Variants in C16orf96 observed in about 807,000 individuals in gnomAD.
The protein encoded by C16orf96 is uncharacterized protein C16orf96.
A neutral mutation model predicts 103.6 loss-of-function variants in C16orf96; 108 were observed. That is an observed-to-expected ratio of 1.04 (90% confidence interval 0.89 to 1.22). The LOEUF is 1.22. Ranked by LOEUF, C16orf96 falls within the 50% of genes most tolerant of loss-of-function variation. C16orf96 has a pLI of 0.00. For synonymous variants in C16orf96, 566 were observed against 593.5 expected, an observed-to-expected ratio of 0.95 and a Z score of 0.67; for missense variants, 1,586 against 1,464.2, an observed-to-expected ratio of 1.08 and a Z score of -1.36.
At chr16:4,573,483 T>C (rs1454834222) in intron 2 of C16orf96, among the ~76,000 whole-genome samples, 1 of 139,268 alleles carries the variant, frequency 7.2e-6, no homozygotes, top group Non-Finnish European at 1.5e-5. Flanking sequence ...GGCGGCATGG[T>C]GGTTCACGCC....
At chr16:4,592,160 T>A in intron 10 of C16orf96, 145 bp from the exon 11 acceptor site, 1 of 917,090 alleles carries the variant, frequency 1.1e-6, no homozygotes, top group Non-Finnish European at 1.7e-6. Flanking sequence ...ACCACAAGAG[T>A]GGTTGGAGAC....
At chr16:4,586,934 G>GC in intron 7 of C16orf96, 105 bp from the exon 8 acceptor site, 1 of 1,039,060 alleles carries the variant, frequency 9.6e-7, no homozygotes. Flanking sequence ...TGTCCACACG[G>GC]CCTGCTATCC....
At chr16:4,572,455 A>T (rs532910073) in intron 2 of C16orf96, among the ~76,000 whole-genome samples, 2 of 151,532 alleles carry the variant, frequency 1.3e-5, no homozygotes, top group African/African-American at 4.8e-5. Flanking sequence ...GCCCGCCCCC[A>T]TGCCCGGCTA....
At chr16:4,541,821 TA>T in the C16orf96 span, among the ~76,000 whole-genome samples, 3 of 152,162 alleles carry the variant, frequency 2.0e-5, no homozygotes, top group Non-Finnish European at 4.4e-5. Flanking sequence ...CAACAGTGTA[TA>T]TTAACTAAGT....
At chr16:4,577,694 G>A (rs527667579) in intron 5 of C16orf96, among the ~76,000 whole-genome samples, 148 of 152,180 alleles carry the variant, frequency 9.7e-4, no homozygotes, top group Non-Finnish European at 1.7e-3. Flanking sequence ...GGTGGCTCAC[G>A]CCTGTAATCC....
the C16orf96 span, among the ~76,000 whole-genome samples, chr16:4,547,693 T>TTCCTTCC: frequency 2.5e-4 from 8 of 32,000 alleles, no homozygotes; most frequent in African/African-American, 7.1e-4. Flanking sequence ...TCCTTCCTTC[T>TTCCTTCC]TTCTTTCTTT....
chr16:4,585,007 C>T (rs956012981), intron 7 of C16orf96, among the ~76,000 whole-genome samples: 1 of 152,260 alleles, frequency 6.6e-6, no homozygotes, highest in East Asian at 1.9e-4. Context: ...TATAGCCTGG[C>T]ATGGTGGCTT....
chr16:4,562,986 C>G, intron 1 of C16orf96: 1 of 1,193,522 alleles, frequency 8.4e-7, no homozygotes, highest in Non-Finnish European at 1.2e-6. Flanking sequence ...GCCAACGTAC[C>G]TCATTTTCCC....
upstream of C16orf96, among the ~76,000 whole-genome samples, chr16:4,555,362 T>C (rs2909033): frequency 0.93 from 141,369 of 151,376 alleles, 66,778 homozygotes; most frequent in East Asian, 1. Flanking sequence ...GAAATGAATG[T>C]AGTTCTTCAG....
rs773776932 is a variant in C16orf96 at position 4,591,799 on chromosome 16, G to A, written c.2711+15G>A. On this transcript the variant is annotated intron_variant, in intron 10 of 15. Transcript: ENST00000444310. ...GGCTTTAGGAGGTGAGTGCCCGCCC[G>A]AGCCCCTCCTGGTAGGGGTCCTGCT... The A allele has an allele frequency of 2.7e-5, 40 of 1,475,484 alleles. No individual in the cohort carries two copies. The African/African-American group carries it at 3.5e-4, about 13-fold the overall frequency. 91.4% of individuals were successfully genotyped at this position (1,475,484 alleles called of 1,614,324 possible). A position where few individuals can be genotyped will look rare whatever the true frequency, so the allele number is the denominator to read the frequency against.
rs1897255531 is a variant in C16orf96 at position 4,600,248 on chromosome 16, G to A, written c.3357G>A (p.Arg1119=). The A allele has an allele frequency of 6.4e-7, 1 of 1,551,314 alleles. No homozygotes were observed. The highest frequency in any genetic ancestry group is 2.0e-5 in the Admixed American group (1 of 50,972). Residue 1119 remains arginine (R), a synonymous_variant, in exon 16 of 16, where the codon AGG becomes AGA. Coordinates refer to ENST00000444310, the MANE Select transcript of C16orf96 (RefSeq NM_001145011.2). ...RDPQQAPGST[R]LSRAPHIESR... is the part of the protein sequence containing the mutation. ...CCCAGCAGGCCCCAGGGTCCACCAGGCTCTCAAGAGCTCCACACATTGAGT... is the reference window on the plus strand; with the variant it reads ...CCCAGCAGGCCCCAGGGTCCACCAGACTCTCAAGAGCTCCACACATTGAGT...
the C16orf96 span, among the ~76,000 whole-genome samples, chr16:4,540,094 A>G: frequency 1.3e-5 from 2 of 152,226 alleles, no homozygotes; most frequent in African/African-American, 4.8e-5. Context: ...CTGTCTTGAT[A>G]CATTGGCTCT....
chr16:4,569,589 G>A (rs2059415092), intron 1 of C16orf96, among the ~76,000 whole-genome samples: 1 of 151,600 alleles, frequency 6.6e-6, no homozygotes, highest in Non-Finnish European at 1.5e-5. Context: ...CCCATTAGCA[G>A]GGCGTGGTGG....
chr16:4,553,831 C>A (rs1376394988), upstream of C16orf96, among the ~76,000 whole-genome samples: 1 of 152,104 alleles, frequency 6.6e-6, no homozygotes, highest in Non-Finnish European at 1.5e-5. Context: ...TATTTCTAGC[C>A]GCCATGTTTT....
Position 4,594,490 on chromosome 16 carries a change from C to T in C16orf96, c.3007C>T (p.His1003Tyr). Residue 1003 changes from histidine (H) to tyrosine (Y), a missense_variant, in exon 13 of 16, where the codon CAC (histidine) becomes TAC (tyrosine). Transcript: ENST00000444310. ...GACGCTCTATCCCTACGGGGATCCCCACGTGATCGACTATGACAGCGTGAG... is the reference window on the plus strand; with the variant it reads ...GACGCTCTATCCCTACGGGGATCCCTACGTGATCGACTATGACAGCGTGAG... ...LLTLYPYGDPHVIDYDSAEVD... is the reference protein window; with the variant it reads ...LLTLYPYGDPYVIDYDSAEVD... 1.3e-6 allele frequency: 2 copies of T among 1,551,430 alleles called. No individual in the cohort carries two copies. Among genetic ancestry groups the T allele is most frequent in the Non-Finnish European group, 1.7e-6 (2 of 1,146,984 alleles).
At chr16:4,567,280 C>CTTTTTTTTTTT (rs71139642) in intron 1 of C16orf96, among the ~76,000 whole-genome samples, 40 of 62,574 alleles carry the variant, frequency 6.4e-4, no homozygotes, top group East Asian at 9.6e-4. Flanking sequence ...TATTTCTTTT[C>CTTTTTTTTTTT]TTTTTTTTTT....
chr16:4,542,462 T>G, the C16orf96 span, among the ~76,000 whole-genome samples: 1 of 152,196 alleles, frequency 6.6e-6, no homozygotes, highest in African/African-American at 2.4e-5. Flanking sequence ...TAATAATACA[T>G]TTAACTCAAT....
chr16:4,595,151 C>T (rs972558224), intron 14 of C16orf96, among the ~76,000 whole-genome samples: 2 of 152,138 alleles, frequency 1.3e-5, no homozygotes, highest in Non-Finnish European at 2.9e-5. Context: ...GGACAGCTGC[C>T]CTGAAGCCCT....
At chr16:4,574,883 G>C (rs1465103699) in intron 3 of C16orf96, 89 bp from the exon 4 acceptor site, 20 of 1,524,162 alleles carry the variant, frequency 1.3e-5, no homozygotes, top group Non-Finnish European at 1.8e-5. Flanking sequence ...GCAAGGAGGA[G>C]AACACAGCCT....
Sources: allele counts gnomAD v4.1 joint callset (sites outside exome capture counted in the v4.1 genomes callset), GRCh38; gene constraint gnomAD v4.1.1; transcripts MANE v1.5; gene names NCBI Gene and HGNC (gene_info 2026-07-23, HGNC 2026-07-21).